GALNT13: variants seen among roughly 807,000 people sequenced by gnomAD.
GALNT13 encodes the protein UDP-GalNAc:polypeptide N-acetylgalactosaminyltransferase 13.
A neutral mutation model predicts 64.2 loss-of-function variants in GALNT13; 28 were observed. The observed-to-expected ratio is 0.44, with a 90% confidence interval of 0.32 to 0.60. GALNT13 has a LOEUF of 0.60. GALNT13 is among the 20% of genes least tolerant of loss of function. GALNT13 has a pLI of 0.05. For synonymous variants in GALNT13, 214 were observed against 224.6 expected, an observed-to-expected ratio of 0.95 and a Z score of 0.42; for missense variants, 577 against 669.8, an observed-to-expected ratio of 0.86 and a Z score of 1.53.
intron 3 of GALNT13, among the ~76,000 whole-genome samples, chr2:154,001,954 TG>T (rs1695939026): frequency 6.6e-6 from 1 of 152,092 alleles, no homozygotes; most frequent in Non-Finnish European, 1.5e-5. Context: ...AAGGTTTTTT[TG>T]TGTGTGTGTT....
the GALNT13 span, among the ~76,000 whole-genome samples, chr2:153,311,009 G>A: frequency 5.3e-5 from 8 of 152,134 alleles, no homozygotes; most frequent in Non-Finnish European, 7.3e-5. Flanking sequence ...CTGCTTAGAT[G>A]TATTCAAATG....
intron 11 of GALNT13, among the ~76,000 whole-genome samples, chr2:154,430,369 C>T (rs140556642): frequency 4.6e-5 from 7 of 152,208 alleles, no homozygotes; most frequent in African/African-American, 1.4e-4. Context: ...GGGTTCAAGA[C>T]ATCAGTGGAG....
At chr2:154,385,853 T>C (rs574929686) in intron 9 of GALNT13, among the ~76,000 whole-genome samples, 1 of 151,980 alleles carries the variant, frequency 6.6e-6, no homozygotes, top group Non-Finnish European at 1.5e-5. Context: ...TCATCAATTA[T>C]AAAGTTAGCA....
the GALNT13 span, among the ~76,000 whole-genome samples, chr2:153,076,104 G>A: frequency 2.6e-5 from 4 of 151,936 alleles, no homozygotes; most frequent in Non-Finnish European, 5.9e-5. Context: ...TTTTGCCGAG[G>A]TATCTTTGGG....
the GALNT13 span, among the ~76,000 whole-genome samples, chr2:153,600,046 A>G: frequency 6.6e-6 from 1 of 152,082 alleles, no homozygotes; most frequent in African/African-American, 2.4e-5. Context: ...CCCGAGGCAG[A>G]GAGGATTAGA....
chr2:153,499,204 G>A, the GALNT13 span, among the ~76,000 whole-genome samples: 1 of 152,154 alleles, frequency 6.6e-6, no homozygotes, highest in Non-Finnish European at 1.5e-5. Context: ...CAGACAACTG[G>A]AGGACGAGCA....
the GALNT13 span, among the ~76,000 whole-genome samples, chr2:153,122,166 A>G: frequency 1.3e-5 from 2 of 152,090 alleles, no homozygotes; most frequent in East Asian, 1.9e-4. Flanking sequence ...TTCTTAAATT[A>G]TAGTTCCTCT....
At chr2:153,721,436 G>T in the GALNT13 span, among the ~76,000 whole-genome samples, 1 of 146,452 alleles carries the variant, frequency 6.8e-6, no homozygotes, top group Non-Finnish European at 1.5e-5. Context: ...ACATCATAAT[G>T]ACAGGATCAA....
chr2:153,179,831 A>G, the GALNT13 span, among the ~76,000 whole-genome samples: 1 of 151,964 alleles, frequency 6.6e-6, no homozygotes, highest in South Asian at 2.1e-4. Context: ...GTTTTTCAAG[A>G]ATTTTATTGT....
chr2:154,422,063 A>G (rs1700279220), intron 11 of GALNT13, among the ~76,000 whole-genome samples: 1 of 152,098 alleles, frequency 6.6e-6, no homozygotes, highest in African/African-American at 2.4e-5. Context: ...CACAAATGGA[A>G]TTGAAAGTCT....
the GALNT13 span, among the ~76,000 whole-genome samples, chr2:153,155,228 G>A: frequency 6.6e-6 from 1 of 152,156 alleles, no homozygotes. Context: ...TCAGGATGAT[G>A]CTGGCCTCAT....
chr2:153,481,325 T>G, the GALNT13 span, among the ~76,000 whole-genome samples: 7 of 152,202 alleles, frequency 4.6e-5, no homozygotes, highest in Non-Finnish European at 1.0e-4. Context: ...TCTTTATGTT[T>G]TACAGAATCC....
intron 4 of GALNT13, among the ~76,000 whole-genome samples, chr2:154,152,690 A>T (rs545682020): frequency 2.0e-5 from 3 of 151,972 alleles, no homozygotes; most frequent in Non-Finnish European, 4.4e-5. Context: ...TTCATCTTCC[A>T]TCACTGATAC....
At chr2:154,309,151 A>G (rs932794513) in intron 9 of GALNT13, among the ~76,000 whole-genome samples, 1 of 152,232 alleles carries the variant, frequency 6.6e-6, no homozygotes, top group African/African-American at 2.4e-5. Flanking sequence ...ATGAAAAATA[A>G]GATTAAATGC....
rs758730054 is a variant in GALNT13 at position 154,163,512 on chromosome 2, C to T, written c.311+23007C>T. Among the ~76,000 whole-genome samples the T allele has an allele frequency of 3.3e-5, 5 of 152,112 alleles. No homozygotes were observed. The East Asian group carries it at 5.8e-4, about 18-fold the overall frequency. On this transcript the variant is annotated intron_variant, in intron 4 of 12. Coordinates refer to ENST00000392825, the MANE Select transcript of GALNT13 (RefSeq NM_052917.4). ...AAATCTCAACCCACATTCTTTAGTACGGTGTTCTGTTACCCATCTCACTGC... is the reference window on the plus strand; with the variant it reads ...AAATCTCAACCCACATTCTTTAGTATGGTGTTCTGTTACCCATCTCACTGC...
At chr2:154,393,835 T>G (rs1425682219) in intron 9 of GALNT13, among the ~76,000 whole-genome samples, 1 of 151,686 alleles carries the variant, frequency 6.6e-6, no homozygotes, top group Non-Finnish European at 1.5e-5. Context: ...TCCCAGCACT[T>G]TGGGAGGCCG....
the GALNT13 span, among the ~76,000 whole-genome samples, chr2:153,634,542 C>CTTTTTTTT: frequency 3.3e-5 from 3 of 91,252 alleles, no homozygotes; most frequent in African/African-American, 4.6e-5. Flanking sequence ...AGATGGAAAT[C>CTTTTTTTT]TTTTTTTTTT....
At chr2:154,251,488 C>T (rs902891326) in intron 7 of GALNT13, among the ~76,000 whole-genome samples, 1 of 152,114 alleles carries the variant, frequency 6.6e-6, no homozygotes, top group African/African-American at 2.4e-5. Context: ...ATCATTTGCC[C>T]ATACTAAGCA....
chr2:153,513,681 T>C, the GALNT13 span, among the ~76,000 whole-genome samples: 1 of 152,278 alleles, frequency 6.6e-6, no homozygotes, highest in South Asian at 2.1e-4. Flanking sequence ...TTCCCACCAC[T>C]CAAGCTCAGG....
Sources: allele counts gnomAD v4.1 joint callset (sites outside exome capture counted in the v4.1 genomes callset), GRCh38; gene constraint gnomAD v4.1.1; transcripts MANE v1.5; gene names NCBI Gene and HGNC (gene_info 2026-07-23, HGNC 2026-07-21).